ALMS1: variants seen among roughly 807,000 people sequenced by gnomAD.
ALMS1 encodes the protein centrosome-associated protein ALMS1.
ALMS1 carries 271 observed loss-of-function variants against 352.2 expected under a neutral mutation model. That is an observed-to-expected ratio of 0.77 (90% CI 0.70 to 0.85). The LOEUF (loss-of-function observed/expected upper bound fraction) is 0.85, where lower values mean the gene tolerates loss of function less well. Ranked by LOEUF, ALMS1 falls within the 40% of genes least tolerant of loss-of-function variation. ALMS1 has a pLI of 0.00. For missense variants in ALMS1, 5,445 were observed against 4,870.7 expected, an observed-to-expected ratio of 1.12 and a Z score of -3.51; for synonymous variants, 1,865 against 1,761.2, an observed-to-expected ratio of 1.06 and a Z score of -1.48.
Position 73,424,733 on chromosome 2 carries a change from G to T in ALMS1, c.1068G>T (p.Trp356Cys), listed in dbSNP as rs1671346084. The change falls in exon 5 of 23, where the codon TGG becomes TGT. Residue 356 changes from tryptophan to cysteine, a missense_variant. Coordinates refer to ENST00000613296, the MANE Select transcript of ALMS1 (RefSeq NM_001378454.1). ...GGAAGACACGAAAAGATACACAGTG[G>T]CCTGAAAACAATTTAGCTGATAAAG... ...MSWKTRKDTQ[W>C]PENNLADKDQ... is the part of the protein sequence containing the mutation. 6.2e-7 allele frequency: 1 copy of T among 1,613,914 alleles called. No individual in the cohort carries two copies. The highest frequency in any genetic ancestry group is 8.5e-7 in the Non-Finnish European group (1 of 1,179,990).
rs1000954075 is a variant in ALMS1 at position 73,440,458 on chromosome 2, C to G, written c.1433-7502C>G. On this transcript the variant is annotated intron_variant, in intron 7 of 22. Transcript: ENST00000613296. ...TCTCTCTCGCGTTCGCTGTCTTTCT[C>G]TCTCTCTCTCTCTTGCTGTCTCTTT... Among the ~76,000 whole-genome samples, 9 of 152,110 alleles carry G rather than the reference C, an allele frequency of 5.9e-5. 1 individual carries two copies. The South Asian group carries it at 1.9e-3, about 32-fold the overall frequency.
At chr2:73,520,049 G>T in intron 11 of ALMS1, 33 bp downstream of exon 11, 1 of 1,613,652 alleles carries the variant, frequency 6.2e-7, no homozygotes, top group South Asian at 1.1e-5. Flanking sequence ...TAGATTGTTA[G>T]ACCAGCTCTT....
chr2:73,519,840 C>G lies in ALMS1; in HGVS notation c.9605C>G (p.Thr3202Ser), dbSNP rs749968807. 1.2e-6 allele frequency: 2 copies of G among 1,613,920 alleles called. No homozygotes were observed. Among genetic ancestry groups the G allele is most frequent in the South Asian group, 2.2e-5 (2 of 91,078 alleles). ...FSEKLSSDAVTQITTESPEKT... is the reference protein window; with the variant it reads ...FSEKLSSDAVSQITTESPEKT... ...GAAAAATTGTCATCTGATGCAGTCA[C>G]TCAGATAACAACAGAAAGTCCAGAA... is the stretch of plus-strand genomic sequence containing the variant. Residue 3202 changes from threonine to serine, a missense_variant, in exon 11 of 23, where the codon ACT (threonine) becomes AGT (serine). By Grantham distance (58) the Thr-to-Ser change is moderately conservative (BLOSUM62 1). Coordinates refer to ENST00000613296, the MANE Select transcript of ALMS1 (RefSeq NM_001378454.1).
At chr2:73,579,346 CA>C (rs1675123313) in intron 16 of ALMS1, among the ~76,000 whole-genome samples, 1 of 150,896 alleles carries the variant, frequency 6.6e-6, no homozygotes, top group Non-Finnish European at 1.5e-5. Context: ...AGGCATGAGC[CA>C]CTGTACCTGG....
At position 73,455,258 on chromosome 2, in the gene ALMS1, A is replaced by G; in HGVS notation, c.7637A>G (p.Glu2546Gly). The change falls in exon 9 of 23, where the codon GAG becomes GGG. Residue 2546 changes from glutamate (E) to glycine (G), a missense_variant. Glu to Gly is a moderately conservative substitution (Grantham distance 98). Transcript: ENST00000613296. ...AGGAAAGTAGAAGAGATCAAGGCAGAGTTATTTGGTCATGGAAGAACAACT... is the reference window on the plus strand; with the variant it reads ...AGGAAAGTAGAAGAGATCAAGGCAGGGTTATTTGGTCATGGAAGAACAACT... ...DRRKVEEIKA[E>G]LFGHGRTTDL... 1 of 1,614,174 alleles carries G rather than the reference A, an allele frequency of 6.2e-7. No homozygotes were observed. The highest frequency in any genetic ancestry group is 1.1e-5 in the South Asian group (1 of 91,088).
chr2:73,588,309 CTT>C (rs1370163190), intron 16 of ALMS1, among the ~76,000 whole-genome samples: 1 of 152,180 alleles, frequency 6.6e-6, no homozygotes, highest in African/African-American at 2.4e-5. Context: ...TCTATGATCT[CTT>C]TGCACTCTGT....
At chr2:73,396,263 C>T (rs539478929) in intron 1 of ALMS1, among the ~76,000 whole-genome samples, 2 of 152,014 alleles carry the variant, frequency 1.3e-5, no homozygotes, top group Admixed American at 6.6e-5. Flanking sequence ...CTCACTTTGT[C>T]ACAGTGTATA....
intron 10 of ALMS1, among the ~76,000 whole-genome samples, chr2:73,515,638 AC>A (rs1276323812): frequency 6.6e-6 from 1 of 152,116 alleles, no homozygotes; most frequent in Non-Finnish European, 1.5e-5. Context: ...GATTAACTAA[AC>A]CAAAAGTTGA....
At chr2:73,469,911 A>G (rs1182510851) in intron 9 of ALMS1, 1 of 151,934 alleles carries the variant, frequency 6.6e-6, no homozygotes, top group African/African-American at 2.4e-5. Flanking sequence ...GGGTGACTCA[A>G]GCTATCAAGT....
intron 9 of ALMS1, among the ~76,000 whole-genome samples, chr2:73,461,224 C>A (rs1199543955): frequency 6.6e-6 from 1 of 152,206 alleles, no homozygotes; most frequent in African/African-American, 2.4e-5. Context: ...CGACCGGGTA[C>A]TCCTCTGAGA....
chr2:73,554,742 G>A (rs1674508562), intron 13 of ALMS1, among the ~76,000 whole-genome samples: 1 of 152,100 alleles, frequency 6.6e-6, no homozygotes, highest in South Asian at 2.1e-4. Flanking sequence ...AAGGAAGAAT[G>A]AGGGGAGCGT....
At chr2:73,561,343 T>G (rs1325061616) in intron 15 of ALMS1, among the ~76,000 whole-genome samples, 4 of 152,206 alleles carry the variant, frequency 2.6e-5, no homozygotes, top group Non-Finnish European at 4.4e-5. Context: ...CTCCCTGTGT[T>G]GAAGGAGTGC....
chr2:73,519,642 C>T (rs564280558), intron 10 of ALMS1, 133 bp from the exon 11 acceptor site: 10 of 1,129,570 alleles, frequency 8.9e-6, no homozygotes, highest in Admixed American at 2.4e-5. Context: ...ACCTTAATAA[C>T]GTTTGACATT....
At chr2:73,482,822 G>C (rs1429591955) in intron 9 of ALMS1, among the ~76,000 whole-genome samples, 10 of 151,156 alleles carry the variant, frequency 6.6e-5, no homozygotes, top group East Asian at 1.9e-4. Flanking sequence ...TGTATGTGTC[G>C]AGGAATTTAT....
In ALMS1 at chr2:73,453,694, G is replaced by T. The variant is rs1553404408; in HGVS notation, c.7167G>T (p.Arg2389Ser). Residue 2389 changes from arginine (R) to serine (S), a missense_variant, in exon 8 of 23, where the codon AGG becomes AGT. By Grantham distance (110) the Arg-to-Ser change is moderately radical. Transcript: ENST00000613296. ...ATCAAGCAGCCAAATCTGTAATGAG[G>T]TCTGAACCTGAAGGGTGTAGTGGAA... ...RQYQAAKSVMRSEPEGCSGTI... is the reference protein window; with the variant it reads ...RQYQAAKSVMSSEPEGCSGTI... 1.2e-6 allele frequency: 2 copies of T among 1,614,096 alleles called. No individual in the cohort carries two copies. The highest frequency in any genetic ancestry group is 1.7e-6 in the Non-Finnish European group (2 of 1,180,008).
At chr2:73,507,573 C>CAGTATTCTCTGATGGTAGTTTGT in intron 10 of ALMS1, among the ~76,000 whole-genome samples, 1 of 152,146 alleles carries the variant, frequency 6.6e-6, no homozygotes, top group East Asian at 1.9e-4. Context: ...GAGGTGTTTG[C>CAGTATTCTCTGATGGTAGTTTGT]AGTATTCTCT....
chr2:73,397,104 T>G (rs1670779943), intron 1 of ALMS1, among the ~76,000 whole-genome samples: 1 of 152,188 alleles, frequency 6.6e-6, no homozygotes, highest in Non-Finnish European at 1.5e-5. Flanking sequence ...GTTGTGGAGA[T>G]AAAACTTACA....
intron 11 of ALMS1, among the ~76,000 whole-genome samples, chr2:73,520,540 A>G (rs1181643166): frequency 6.6e-6 from 1 of 152,234 alleles, no homozygotes; most frequent in Admixed American, 6.5e-5. Context: ...TAAAATATAT[A>G]ACCCAAGGTT....
At chr2:73,511,455 C>T (rs557705919) in intron 10 of ALMS1, among the ~76,000 whole-genome samples, 341 of 151,780 alleles carry the variant, frequency 2.2e-3, no homozygotes, top group Non-Finnish European at 2.8e-3. Context: ...CCGAATGAGG[C>T]GACACCCCCA....
Sources: gnomAD v4.1 joint callset for allele counts (sites outside exome capture counted in the v4.1 genomes callset) on GRCh38, gnomAD v4.1.1 for gene constraint, MANE v1.5 for transcripts, NCBI Gene and HGNC (gene_info 2026-07-23, HGNC 2026-07-21) for gene names.